Variants in TAS2R1 observed in about 807,000 individuals in gnomAD.
The protein encoded by TAS2R1 is taste receptor type 2 member 1.
For missense variants in TAS2R1, 370 were observed against 353.4 expected, an observed-to-expected ratio of 1.05 and a Z score of -0.38; for synonymous variants, 141 against 134.2, an observed-to-expected ratio of 1.05 and a Z score of -0.35.
chr5:9,726,701 C>T, the TAS2R1 span, among the ~76,000 whole-genome samples: 1 of 152,194 alleles, frequency 6.6e-6, no homozygotes, highest in Non-Finnish European at 1.5e-5. Flanking sequence ...CGAGGGTCCG[C>T]GGCTTCATTC....
At chr5:9,755,601 A>G in the TAS2R1 span, among the ~76,000 whole-genome samples, 1 of 151,970 alleles carries the variant, frequency 6.6e-6, no homozygotes, top group Non-Finnish European at 1.5e-5. Context: ...AAAAAAAAAA[A>G]AAAAGAAAAA....
chr5:9,693,547 A>AAAAAAAAG (rs1554054255), intron 1 of TAS2R1, among the ~76,000 whole-genome samples: 9 of 136,764 alleles, frequency 6.6e-5, no homozygotes, highest in Admixed American at 1.6e-4. Context: ...AAAAAAAAAA[A>AAAAAAAAG]AGAGAGAGAA....
At chr5:9,837,014 G>T in the TAS2R1 span, among the ~76,000 whole-genome samples, 2 of 152,148 alleles carry the variant, frequency 1.3e-5, no homozygotes, top group East Asian at 3.9e-4. Flanking sequence ...GCTCTAACAC[G>T]TGACTGGTTG....
At chr5:9,685,726 T>G (rs916644420) in intron 1 of TAS2R1, among the ~76,000 whole-genome samples, 1 of 152,214 alleles carries the variant, frequency 6.6e-6, no homozygotes, top group African/African-American at 2.4e-5. Flanking sequence ...CACTATATAG[T>G]GTCCAGGGAA....
the TAS2R1 span, among the ~76,000 whole-genome samples, chr5:9,732,396 G>A: frequency 1.3e-5 from 2 of 152,178 alleles, no homozygotes; most frequent in Non-Finnish European, 2.9e-5. Flanking sequence ...AGGGGACTAA[G>A]GCAGAAGAAT....
intron 2 of TAS2R1, chr5:9,658,604 G>C (rs750837935): frequency 2.0e-5 from 3 of 152,120 alleles, no homozygotes; most frequent in African/African-American, 7.2e-5. Context: ...AAGCACCCCA[G>C]TTATGTTCTG....
chr5:9,636,144 C>T (rs1489083910), intron 2 of TAS2R1, among the ~76,000 whole-genome samples: 3 of 151,832 alleles, frequency 2.0e-5, no homozygotes, highest in Non-Finnish European at 4.4e-5. Flanking sequence ...TCACTATTAC[C>T]GTTCAGCTCA....
At chr5:9,902,781 C>A in the TAS2R1 span, 1 of 151,882 alleles carries the variant, frequency 6.6e-6, no homozygotes, top group African/African-American at 2.4e-5. Flanking sequence ...CAGATCAATA[C>A]AGTGATCAGT....
the TAS2R1 span, among the ~76,000 whole-genome samples, chr5:9,816,839 T>C: frequency 1.3e-5 from 2 of 152,156 alleles, no homozygotes; most frequent in African/African-American, 2.4e-5. Context: ...ATCATAATGA[T>C]TAAAGTTGAA....
intron 1 of TAS2R1, among the ~76,000 whole-genome samples, chr5:9,681,531 C>CAAAAAAAAAATAAAAAAAAAAAAAAAA (rs1740995251): frequency 1.1e-5 from 1 of 87,920 alleles, no homozygotes; most frequent in Non-Finnish European, 2.1e-5. Context: ...CATGTTTCTG[C>CAAAAAAAAAATAAAAAAAAAAAAAAAA]AAAAAAAAAA....
intron 1 of TAS2R1, among the ~76,000 whole-genome samples, chr5:9,676,129 TTA>T (rs1454285923): frequency 3.9e-5 from 6 of 152,298 alleles, no homozygotes; most frequent in Non-Finnish European, 7.4e-5. Context: ...ACCTTTTATT[TTA>T]TTAATGTGCC....
chr5:9,809,553 T>C, the TAS2R1 span, among the ~76,000 whole-genome samples: 1 of 152,056 alleles, frequency 6.6e-6, no homozygotes, highest in Non-Finnish European at 1.5e-5. Flanking sequence ...CAGAACCCAA[T>C]CATGGTTACA....
At chr5:9,634,207 C>T (rs1055365375), upstream of TAS2R1, among the ~76,000 whole-genome samples, 1 of 152,012 alleles carries the variant, frequency 6.6e-6, no homozygotes, top group Non-Finnish European at 1.5e-5. Context: ...TGTCCTTTTC[C>T]CACTTTGTGT....
the TAS2R1 span, among the ~76,000 whole-genome samples, chr5:9,846,167 AAAG>A: frequency 1.1e-4 from 16 of 152,228 alleles, no homozygotes; most frequent in Non-Finnish European, 1.6e-4. Context: ...GCTAGAAAAC[AAAG>A]AAGGTCTTTG....
intron 1 of TAS2R1, among the ~76,000 whole-genome samples, chr5:9,676,120 C>A (rs1740869711): frequency 6.6e-6 from 1 of 151,932 alleles, no homozygotes; most frequent in Admixed American, 6.6e-5. Flanking sequence ...GTGATTTTTA[C>A]CTTTTATTTT....
chr5:9,704,711 C>T (rs1010043215), intron 1 of TAS2R1, among the ~76,000 whole-genome samples: 1 of 152,150 alleles, frequency 6.6e-6, no homozygotes, highest in Non-Finnish European at 1.5e-5. Flanking sequence ...GCAAATAAAA[C>T]TCTAGTTTCT....
the TAS2R1 span, among the ~76,000 whole-genome samples, chr5:9,822,677 TA>T: frequency 1.3e-5 from 2 of 152,314 alleles, no homozygotes; most frequent in Non-Finnish European, 2.9e-5. Context: ...AAAATATATG[TA>T]ACATATGTTA....
At chr5:9,872,872 G>A in the TAS2R1 span, among the ~76,000 whole-genome samples, 2 of 152,202 alleles carry the variant, frequency 1.3e-5, no homozygotes, top group Non-Finnish European at 2.9e-5. Context: ...AAATTCGCCA[G>A]TGCCCTGTAA....
the TAS2R1 span, among the ~76,000 whole-genome samples, chr5:9,731,331 C>A: frequency 6.6e-6 from 1 of 152,158 alleles, no homozygotes; most frequent in Non-Finnish European, 1.5e-5. Context: ...CAAGCTGCAT[C>A]CAGACTCCAG....
Sources: gnomAD v4.1 joint callset for allele counts (sites outside exome capture counted in the v4.1 genomes callset) on GRCh38, gnomAD v4.1.1 for gene constraint, MANE v1.5 for transcripts, NCBI Gene and HGNC (gene_info 2026-07-23, HGNC 2026-07-21) for gene names.